UGT8: variants seen among roughly 807,000 people sequenced by gnomAD.
UGT8 encodes the protein UDP glycosyltransferase 8.
In UGT8, 12 loss-of-function variants were observed where a neutral mutation model predicts 40.5. The ratio of observed to expected loss-of-function variants is 0.30; its 90% CI spans 0.19 to 0.48. The LOEUF (loss-of-function observed/expected upper bound fraction) is 0.48, where lower values mean the gene tolerates loss of function less well. UGT8 is among the 20% of genes least tolerant of loss of function. UGT8 has a pLI of 0.99. For synonymous variants in UGT8, 224 were observed against 240.4 expected (o/e 0.93, Z 0.63); for missense variants, 513 against 648.7 (o/e 0.79, Z 2.27).
intron 2 of UGT8, among the ~76,000 whole-genome samples, chr4:114,642,234 A>T (rs536713186): frequency 4.6e-5 from 7 of 151,772 alleles, no homozygotes; most frequent in African/African-American, 1.5e-4. Flanking sequence ...TTAGCGATTT[A>T]TATCTTTGAG....
chr4:114,614,496 T>C (rs1231835876), intron 1 of UGT8, among the ~76,000 whole-genome samples: 1 of 152,210 alleles, frequency 6.6e-6, no homozygotes, highest in East Asian at 1.9e-4. Flanking sequence ...ATGAGTTTGT[T>C]ATCAGGCAAA....
chr4:114,634,632 T>C (rs1202863763), intron 2 of UGT8, among the ~76,000 whole-genome samples: 1 of 152,244 alleles, frequency 6.6e-6, no homozygotes, highest in Non-Finnish European at 1.5e-5. Context: ...TAAGTAGATA[T>C]ATAGTAATAA....
rs1231887242 is a variant in UGT8, at chr4:114,623,042, C to T, written c.162C>T (p.Phe54=). ...ALHERGHHTV[F]LLSEGRDIAP... ...ACGAGAGAGGCCACCATACAGTGTT[C>T]CTCCTCTCTGAAGGCAGAGACATCG... Residue 54 remains phenylalanine, a synonymous_variant, in exon 2 of 6, where the codon TTC becomes TTT. Coordinates refer to ENST00000310836, the MANE Select transcript of UGT8 (RefSeq NM_001128174.3). 1.2e-6 allele frequency: 2 copies of T among 1,614,142 alleles called. No individual in the cohort carries two copies. Among genetic ancestry groups the T allele is most frequent in the Non-Finnish European group, 1.7e-6 (2 of 1,180,022 alleles).
At chr4:114,611,801 A>C (rs1731110719) in intron 1 of UGT8, among the ~76,000 whole-genome samples, 1 of 152,066 alleles carries the variant, frequency 6.6e-6, no homozygotes, top group Non-Finnish European at 1.5e-5. Flanking sequence ...ATTTTTTAAA[A>C]ATTACAAACT....
At chr4:114,675,536 T>C (rs11098262) in intron 5 of UGT8, among the ~76,000 whole-genome samples, 134,101 of 151,344 alleles carry the variant, frequency 0.89, 61,040 homozygotes, top group East Asian at 1. Context: ...GTCAGGAGAT[T>C]GAGACCATCC....
chr4:114,639,372 C>G (rs1217567245), intron 2 of UGT8, among the ~76,000 whole-genome samples: 1 of 152,168 alleles, frequency 6.6e-6, no homozygotes, highest in Non-Finnish European at 1.5e-5. Context: ...TCTTGTTTAA[C>G]ATAAGAACAT....
At chr4:114,600,937 G>T (rs1042468273) in intron 1 of UGT8, among the ~76,000 whole-genome samples, 1 of 152,148 alleles carries the variant, frequency 6.6e-6, no homozygotes, top group Non-Finnish European at 1.5e-5. Context: ...ATCTAGTGTT[G>T]TGTGACTTAG....
In UGT8 at chr4:114,671,101, C is replaced by G. The variant is rs181681526; in HGVS notation, c.1262+2797C>G. On this transcript the variant is annotated intron_variant, in intron 5 of 5. Transcript: ENST00000310836. ...ATAAAATACCTAGGAATACAGCTATCGGGATGTGAAGGACCTCTTCAAGGA... is the reference window on the plus strand; with the variant it reads ...ATAAAATACCTAGGAATACAGCTATGGGGATGTGAAGGACCTCTTCAAGGA... 2.8e-3 allele frequency among the ~76,000 whole-genome samples: 430 copies of G among 152,084 alleles called. 3 individuals are homozygous for G. The highest frequency in any genetic ancestry group is 9.6e-3 in the African/African-American group (400 of 41,498).
At position 114,633,728 on chromosome 4, in the gene UGT8, G is replaced by C. The variant is rs1398263879; in HGVS notation, c.822+10026G>C. On this transcript the variant is annotated intron_variant, in intron 2 of 5. Coordinates refer to ENST00000310836, the MANE Select transcript of UGT8 (RefSeq NM_001128174.3). ...TGGAAAGCCAAAGTGGGCAGATCAA[G>C]AGGTCAGGAGTTCGAGACCAGCCTG... 2.0e-5 allele frequency among the ~76,000 whole-genome samples: 3 copies of C among 152,192 alleles called. No individual in the cohort carries two copies. In the East Asian group the frequency reaches 5.8e-4, roughly 29 times the overall value.
chr4:114,647,369 T>TGC (rs1733637730), intron 2 of UGT8, among the ~76,000 whole-genome samples: 1 of 151,332 alleles, frequency 6.6e-6, no homozygotes, highest in Admixed American at 6.6e-5. Flanking sequence ...TGTGTGTGTG[T>TGC]GTGTGTGTGT....
intron 2 of UGT8, among the ~76,000 whole-genome samples, chr4:114,635,613 A>G (rs574549070): frequency 6.6e-6 from 1 of 152,318 alleles, no homozygotes; most frequent in South Asian, 2.1e-4. Flanking sequence ...CATTTTAAGG[A>G]AAAAATTGAA....
At chr4:114,609,404 C>A (rs1264752976) in intron 1 of UGT8, among the ~76,000 whole-genome samples, 3 of 152,160 alleles carry the variant, frequency 2.0e-5, no homozygotes, top group South Asian at 4.1e-4. Context: ...TCATTATATT[C>A]TTTTAATCAG....
intron 1 of UGT8, among the ~76,000 whole-genome samples, chr4:114,620,523 G>T (rs1295499638): frequency 6.6e-6 from 1 of 152,164 alleles, no homozygotes; most frequent in East Asian, 1.9e-4. Flanking sequence ...TTTCTTCACT[G>T]ATCTTGTAAT....
intron 1 of UGT8, among the ~76,000 whole-genome samples, chr4:114,606,775 G>C (rs961660163): frequency 5.3e-5 from 8 of 152,148 alleles, no homozygotes; most frequent in Admixed American, 5.2e-4. Context: ...AACAATGGAG[G>C]CAAAATAAGC....
At chr4:114,600,510 T>C (rs548596855) in intron 1 of UGT8, among the ~76,000 whole-genome samples, 3 of 152,358 alleles carry the variant, frequency 2.0e-5, no homozygotes, top group South Asian at 4.1e-4. Flanking sequence ...TTTTCTTTTC[T>C]TTTTTAAAAA....
At position 114,623,477 on chromosome 4, in the gene UGT8, T is replaced by C; in HGVS notation, c.597T>C (p.Val199=). The C allele has an allele frequency of 6.2e-7, 1 of 1,614,180 alleles. No homozygotes were observed. Among genetic ancestry groups the C allele is most frequent in the Non-Finnish European group, 8.5e-7 (1 of 1,180,018 alleles). Residue 199 remains valine (V), a synonymous_variant, in exon 2 of 6, where the codon GTT becomes GTC. Transcript: ENST00000310836. ...TGCAAAGGATGAAAAATACCGGTGT[T>C]TACCTCATTTCCAGATTAGGGGTCA... is the stretch of plus-strand genomic sequence containing the variant. ...NLLQRMKNTG[V]YLISRLGVSF...
chr4:114,660,090 G>A (rs1734423023), intron 2 of UGT8, among the ~76,000 whole-genome samples: 4 of 152,110 alleles, frequency 2.6e-5, no homozygotes, highest in Admixed American at 2.6e-4. Context: ...AAATGATGCT[G>A]TAAAATTATG....
chr4:114,654,823 C>T (rs545246401), intron 2 of UGT8, among the ~76,000 whole-genome samples: 3 of 152,160 alleles, frequency 2.0e-5, no homozygotes, highest in South Asian at 4.2e-4. Context: ...CAAAGCTTAC[C>T]TGCCCAAGTT....
At chr4:114,624,123 G>A (rs1732034159) in intron 2 of UGT8, among the ~76,000 whole-genome samples, 1 of 152,228 alleles carries the variant, frequency 6.6e-6, no homozygotes, top group Non-Finnish European at 1.5e-5. Flanking sequence ...TCAGTGAACA[G>A]AGGTTCTTCT....
Sources: allele counts gnomAD v4.1 joint callset (sites outside exome capture counted in the v4.1 genomes callset), GRCh38; gene constraint gnomAD v4.1.1; transcripts MANE v1.5; gene names NCBI Gene and HGNC (gene_info 2026-07-23, HGNC 2026-07-21).